The following STAC variants were observed in gnomAD, a reference collection of about 807,000 sequenced individuals.
STAC encodes SH3 and cysteine-rich domain-containing protein.
STAC carries 43 observed loss-of-function variants against 48.8 expected under a neutral mutation model. The ratio of observed to expected loss-of-function variants is 0.88; its 90% CI spans 0.69 to 1.14. The LOEUF (loss-of-function observed/expected upper bound fraction) is 1.14, where lower values mean the gene tolerates loss of function less well. STAC is among the 50% of genes most tolerant of loss of function. The pLI is 0.00. For missense variants in STAC, 497 were observed against 504.0 expected (o/e 0.99, Z 0.13); for synonymous variants, 193 against 179.5 (o/e 1.07, Z -0.60).
chr3:36,405,390 A>G (rs938052736), intron 1 of STAC, among the ~76,000 whole-genome samples: 1 of 152,124 alleles, frequency 6.6e-6, no homozygotes, highest in Non-Finnish European at 1.5e-5. Flanking sequence ...CTGTCTGATG[A>G]GTCACTGAGG....
At chr3:36,516,498 AT>A (rs963009960) in intron 8 of STAC, among the ~76,000 whole-genome samples, 21 of 151,812 alleles carry the variant, frequency 1.4e-4, no homozygotes, top group African/African-American at 4.8e-4. Flanking sequence ...AACTTCCTTT[AT>A]TTTTTTTCAC....
chr3:36,394,069 T>A (rs1699805441), intron 1 of STAC, among the ~76,000 whole-genome samples: 1 of 151,768 alleles, frequency 6.6e-6, no homozygotes, highest in Non-Finnish European at 1.5e-5. Context: ...TCTTGTTGAG[T>A]AAACAACAGG....
Position 36,486,739 on chromosome 3 carries a change from C to T in STAC, c.687+490C>T, listed in dbSNP as rs142292130. On this transcript the variant is annotated intron_variant, in intron 5 of 10. Coordinates refer to ENST00000273183, the MANE Select transcript of STAC (RefSeq NM_003149.3). ...AACTGCACTCTCAAAGTTACTTGAA[C>T]TGTGACTCTGTGGGACACTCACTCT... Among the ~76,000 whole-genome samples the T allele has an allele frequency of 3.3e-5, 5 of 152,346 alleles. No homozygotes were observed. The East Asian group carries it at 9.6e-4, about 29-fold the overall frequency.
At chr3:36,464,125 A>G (rs1315164844) in intron 2 of STAC, among the ~76,000 whole-genome samples, 1 of 152,222 alleles carries the variant, frequency 6.6e-6, no homozygotes, top group African/African-American at 2.4e-5. Context: ...ACTAGTTTAC[A>G]GTCCCACCAA....
At chr3:36,538,689 T>G (rs1465998742) in intron 10 of STAC, among the ~76,000 whole-genome samples, 1 of 152,224 alleles carries the variant, frequency 6.6e-6, no homozygotes, top group Admixed American at 6.5e-5. Context: ...TATTTTTTGT[T>G]ATGTCAGTTT....
chr3:36,512,126 GT>G (rs1465777560), intron 8 of STAC, among the ~76,000 whole-genome samples: 2 of 152,116 alleles, frequency 1.3e-5, no homozygotes, highest in Non-Finnish European at 2.9e-5. Flanking sequence ...GACAATTAAG[GT>G]CTTGTACATC....
chr3:36,533,710 C>T (rs1699128630), intron 10 of STAC, among the ~76,000 whole-genome samples: 2 of 151,968 alleles, frequency 1.3e-5, no homozygotes, highest in African/African-American at 4.8e-5. Context: ...GCATTCTCTG[C>T]CCTCATGGTT....
chr3:36,448,910 C>G (rs1487360447), intron 2 of STAC, among the ~76,000 whole-genome samples: 1 of 124,182 alleles, frequency 8.1e-6, no homozygotes, highest in Non-Finnish European at 1.7e-5. Context: ...AACCCCCCCC[C>G]CCACTCCCGA....
intron 1 of STAC, among the ~76,000 whole-genome samples, chr3:36,391,477 G>T (rs1401467163): frequency 6.6e-6 from 1 of 152,160 alleles, no homozygotes; most frequent in Non-Finnish European, 1.5e-5. Context: ...CTGCCCTTTG[G>T]ACAGTCTCTG....
At chr3:36,523,489 G>A (rs886152598) in intron 8 of STAC, among the ~76,000 whole-genome samples, 1 of 152,194 alleles carries the variant, frequency 6.6e-6, no homozygotes, top group Non-Finnish European at 1.5e-5. Context: ...CAAAGGAAAT[G>A]TTTTTTAAGT....
At chr3:36,432,147 C>T (rs940718708) in intron 1 of STAC, among the ~76,000 whole-genome samples, 4 of 152,148 alleles carry the variant, frequency 2.6e-5, no homozygotes, top group Non-Finnish European at 5.9e-5. Flanking sequence ...CCCTTGAGTG[C>T]CAGACACCTT....
intron 10 of STAC, among the ~76,000 whole-genome samples, chr3:36,545,863 C>G (rs1435655984): frequency 2.0e-5 from 3 of 152,178 alleles, no homozygotes; most frequent in African/African-American, 7.2e-5. Flanking sequence ...ACATGCTAGG[C>G]TCCTTGACAA....
chr3:36,467,094 G>C (rs1415994868), intron 2 of STAC, among the ~76,000 whole-genome samples: 1 of 151,924 alleles, frequency 6.6e-6, no homozygotes, highest in African/African-American at 2.4e-5. Context: ...TGTGTCTATT[G>C]AGATGATCGT....
chr3:36,434,976 C>A (rs73063902), intron 1 of STAC, among the ~76,000 whole-genome samples: 3,549 of 152,256 alleles, frequency 0.023, 61 homozygotes, highest in East Asian at 0.026. Flanking sequence ...GGGTGGGATA[C>A]CTTATGAAAG....
intron 1 of STAC, among the ~76,000 whole-genome samples, chr3:36,442,135 A>T (rs1427737285): frequency 6.6e-6 from 1 of 152,226 alleles, no homozygotes; most frequent in Non-Finnish European, 1.5e-5. Context: ...ATTGATCATA[A>T]GAGAGACTGG....
At chr3:36,429,309 A>C (rs1335052830) in intron 1 of STAC, among the ~76,000 whole-genome samples, 1 of 152,204 alleles carries the variant, frequency 6.6e-6, no homozygotes, top group African/African-American at 2.4e-5. Flanking sequence ...CAACTGTTTC[A>C]TTTGACCTTT....
At chr3:36,538,678 T>C (rs1378169989) in intron 10 of STAC, among the ~76,000 whole-genome samples, 2 of 152,208 alleles carry the variant, frequency 1.3e-5, no homozygotes, top group African/African-American at 2.4e-5. Flanking sequence ...TTTAACATTA[T>C]TATTTTTTGT....
chr3:36,475,915 C>G (rs1697480484), intron 2 of STAC, among the ~76,000 whole-genome samples: 1 of 152,128 alleles, frequency 6.6e-6, no homozygotes, highest in Non-Finnish European at 1.5e-5. Context: ...TTCAGGGTAC[C>G]TGGGAGGTTG....
At chr3:36,477,467 T>A (rs1697523204) in intron 2 of STAC, among the ~76,000 whole-genome samples, 1 of 152,202 alleles carries the variant, frequency 6.6e-6, no homozygotes, top group Non-Finnish European at 1.5e-5. Context: ...TATATGTAAT[T>A]AATTTCATTT....
Sources: gnomAD v4.1 joint callset for allele counts (sites outside exome capture counted in the v4.1 genomes callset) on GRCh38, gnomAD v4.1.1 for gene constraint, MANE v1.5 for transcripts, NCBI Gene and HGNC (gene_info 2026-07-23, HGNC 2026-07-21) for gene names.